METTL2B: variants seen among roughly 807,000 people sequenced by gnomAD.
METTL2B encodes methyltransferase 2B, tRNA N3-cytidine, also known as tRNA N(3)-cytidine methyltransferase METTL2B.
A neutral mutation model predicts 51.0 loss-of-function variants in METTL2B; 28 were observed. The observed-to-expected ratio is 0.55, with a 90% CI of 0.41 to 0.75. METTL2B has a LOEUF of 0.75. Among genes scored for constraint, METTL2B ranks in the 30% least tolerant of loss-of-function variants. METTL2B has a pLI of 0.00. For missense variants in METTL2B, 313 were observed against 460.7 expected (o/e 0.68, Z 2.93); for synonymous variants, 128 against 166.3 (o/e 0.77, Z 1.77).
At chr7:128,484,232 T>TTTTTTTTGTTTTTTTTTTTTTG (rs1554428852) in intron 4 of METTL2B, 32 of 83,568 alleles carry the variant, frequency 3.8e-4, no homozygotes, top group African/African-American at 1.1e-3. Flanking sequence ...TTTTTTTTTT[T>TTTTTTTTGTTTTTTTTTTTTTG]TTTTTTTTTT....
chr7:128,488,531 T>C, intron 5 of METTL2B: 1 of 475,760 alleles, frequency 2.1e-6, no homozygotes, highest in Non-Finnish European at 4.4e-6. Context: ...TTGTACTTGG[T>C]TTGGGGTTCC....
intron 5 of METTL2B, among the ~76,000 whole-genome samples, chr7:128,490,828 A>G (rs567224583): frequency 3.5e-4 from 53 of 152,150 alleles, no homozygotes; most frequent in Non-Finnish European, 5.3e-4. Flanking sequence ...ACAAACTCAC[A>G]TATTTGGAGA....
At chr7:128,483,690 C>T (rs1374259125) in intron 4 of METTL2B, among the ~76,000 whole-genome samples, 1 of 151,782 alleles carries the variant, frequency 6.6e-6, no homozygotes, top group Admixed American at 6.6e-5. Flanking sequence ...TACAGGTGCC[C>T]ACCACCACGC....
rs546199536 is a variant in METTL2B, at chr7:128,482,637, G to A, written c.608+1941G>A. ...CAACCTCTGCCTCCTGGGTTCAAGC[G>A]ATTCTCCTGCCTCAGCCTCCCAAAT... On this transcript the variant is annotated intron_variant, in intron 4 of 8. Transcript: ENST00000262432. Among the ~76,000 whole-genome samples, 33 of 152,298 alleles carry A rather than the reference G, an allele frequency of 2.2e-4. No homozygotes were observed. The East Asian group carries it at 5.4e-3, about 25-fold the overall frequency.
In METTL2B at chr7:128,502,534, G is replaced by A. The variant is rs4731466; in HGVS notation, c.*618G>A. The A allele has an allele frequency of 0.77, 296,476 of 387,284 alleles. 102,992 individuals are homozygous for A. The highest frequency in any genetic ancestry group is 0.8 in the Admixed American group (26,273 of 32,896). 24.0% of individuals were successfully genotyped at this position (387,284 alleles called of 1,614,324 possible). A position where few individuals can be genotyped will look rare whatever the true frequency, so the allele number is the denominator to read the frequency against. On this transcript the variant is annotated 3_prime_UTR_variant, in exon 9 of 9. Transcript: ENST00000262432. ...ATCAGATCAGATATTTTCCTGACAA[G>A]AAAAAAATGACCCTGTAGACAGCAT...
chr7:128,484,017 C>A (rs1792632174), intron 4 of METTL2B: 1 of 152,056 alleles, frequency 6.6e-6, no homozygotes, highest in Non-Finnish European at 1.5e-5. Context: ...TGCCACTGTA[C>A]CCGGCTAATT....
At position 128,502,086 on chromosome 7, in the gene METTL2B, C is replaced by T. The variant is rs571023596; in HGVS notation, c.*170C>T. The T allele has an allele frequency of 2.4e-4, 189 of 795,338 alleles. No homozygotes were observed. The highest frequency in any genetic ancestry group is 5.7e-4 in the South Asian group (24 of 42,300). The allele number at this position is 795,338 out of a possible 1,614,324, so 49.3% of individuals were successfully genotyped here. On this transcript the variant is annotated 3_prime_UTR_variant, in exon 9 of 9. Transcript: ENST00000262432. The stretch of plus-strand genomic sequence containing the variant: ...CCAGCCTGGGCAAAATAGCGAGAGA[C>T]CCTGAATCTGAAAGTAATGATAAAA...
At chr7:128,491,912 A>C (rs1792840930) in intron 5 of METTL2B, among the ~76,000 whole-genome samples, 1 of 152,202 alleles carries the variant, frequency 6.6e-6, no homozygotes, top group African/African-American at 2.4e-5. Flanking sequence ...TTTGATAACA[A>C]AGTAAATTTT....
chr7:128,489,887 C>T (rs562041840), intron 5 of METTL2B, among the ~76,000 whole-genome samples: 1 of 152,142 alleles, frequency 6.6e-6, no homozygotes, highest in South Asian at 2.1e-4. Context: ...CTCGGCCTCC[C>T]AAAGTGCTGG....
intron 6 of METTL2B, 127 bp from the exon 7 acceptor site, chr7:128,497,906 AGAG>A: frequency 1.2e-6 from 1 of 834,354 alleles, no homozygotes; most frequent in Non-Finnish European, 1.9e-6. Flanking sequence ...ACTGAAGAGT[AGAG>A]GAGCTTAGAT....
intron 7 of METTL2B, among the ~76,000 whole-genome samples, chr7:128,498,658 C>G (rs1228482092): frequency 1.3e-5 from 2 of 151,930 alleles, no homozygotes; most frequent in African/African-American, 2.4e-5. Flanking sequence ...ATATTGAGGT[C>G]TTTTTAAGCA....
Position 128,477,067 on chromosome 7 carries a change from G to A in METTL2B, c.111-15G>A, listed in dbSNP as rs769415663. The A allele has an allele frequency of 7.4e-6, 12 of 1,614,154 alleles. No homozygotes were observed. In the Middle Eastern group the frequency reaches 5.0e-4, roughly 67 times the overall value. On this transcript the variant is annotated splice_polypyrimidine_tract_variant and intron_variant, in intron 1 of 8. Transcript: ENST00000262432. ...AGGACGTGAAGCCCCTAAGCTGCCC[G>A]TTTGATTTTCTCAGGGACAATGTGG...
chr7:128,504,890 G>C lies in METTL2B; in HGVS notation c.*2974G>C, dbSNP rs1219604409. 1 of 151,940 alleles carries C rather than the reference G, an allele frequency of 6.6e-6. No homozygotes were observed. The highest frequency in any genetic ancestry group is 2.0e-4 in the East Asian group (1 of 5,104). The allele number at this position is 151,940 out of a possible 1,614,324, so 9.4% of individuals were successfully genotyped here. A position where few individuals can be genotyped will look rare whatever the true frequency, so the allele number is the denominator to read the frequency against. On this transcript the variant is annotated 3_prime_UTR_variant, in exon 9 of 9. Transcript: ENST00000262432. ...GAGGCAGGTGGATCACCTGAGGTCG[G>C]GAGTTCGAGACCAGCCTGACCAACA...
intron 4 of METTL2B, among the ~76,000 whole-genome samples, chr7:128,485,336 G>C (rs1215376349): frequency 6.6e-6 from 1 of 152,004 alleles, no homozygotes; most frequent in Non-Finnish European, 1.5e-5. Flanking sequence ...AGTTCAAGAC[G>C]AGCCTGAACA....
At chr7:128,494,188 T>C (rs1338796498) in intron 6 of METTL2B, among the ~76,000 whole-genome samples, 6 of 152,062 alleles carry the variant, frequency 3.9e-5, no homozygotes, top group Non-Finnish European at 7.4e-5. Flanking sequence ...GATGGGGTTT[T>C]GCCATGTTGC....
At position 128,488,466 on chromosome 7, in the gene METTL2B, C is replaced by T. The variant is rs1421879332; in HGVS notation, c.669+305C>T. Reference sequence around the variant, plus strand: ...CTGTGTGTCATGCTTTGGTGATTCTCAGAATATTTCAGACTTTTTTACTAT... The same window carrying T: ...CTGTGTGTCATGCTTTGGTGATTCTTAGAATATTTCAGACTTTTTTACTAT... On this transcript the variant is annotated intron_variant, in intron 5 of 8. Transcript: ENST00000262432. The T allele has an allele frequency of 5.5e-6, 3 of 542,974 alleles. No homozygotes were observed. In the African/African-American group the frequency reaches 5.7e-5, roughly 10 times the overall value. 33.6% of individuals were successfully genotyped at this position (542,974 alleles called of 1,614,324 possible).
intron 5 of METTL2B, among the ~76,000 whole-genome samples, chr7:128,490,194 C>A (rs952692853): frequency 1.2e-4 from 19 of 152,270 alleles, no homozygotes; most frequent in African/African-American, 4.1e-4. Flanking sequence ...AAACCACTTT[C>A]TTTGCCCAAC....
chr7:128,500,783 A>G, intron 7 of METTL2B, 120 bp from the exon 8 acceptor site: 1 of 1,111,774 alleles, frequency 9.0e-7, no homozygotes, highest in South Asian at 1.4e-5. Flanking sequence ...GCTCTTCCCG[A>G]AGCACTGAGG....
At chr7:128,486,944 T>C (rs565610363) in intron 4 of METTL2B, among the ~76,000 whole-genome samples, 80 of 152,342 alleles carry the variant, frequency 5.3e-4, no homozygotes, top group African/African-American at 1.9e-3. Flanking sequence ...CAGATGCAGC[T>C]GCCTGGCTGA....
Sources: allele counts gnomAD v4.1 joint callset (sites outside exome capture counted in the v4.1 genomes callset), GRCh38; gene constraint gnomAD v4.1.1; transcripts MANE v1.5; gene names NCBI Gene and HGNC (gene_info 2026-07-23, HGNC 2026-07-21).